MFAP5: variants seen among roughly 807,000 people sequenced by gnomAD.
MFAP5 encodes microfibrillar-associated protein 5.
Under a neutral mutation model 30.1 loss-of-function variants are expected in MFAP5, and 19 were observed. The observed-to-expected ratio is 0.63, with a 90% CI of 0.44 to 0.93. MFAP5 has a LOEUF of 0.93. Ranked by LOEUF, MFAP5 falls within the 40% of genes least tolerant of loss-of-function variation. MFAP5 has a pLI of 0.00. For synonymous variants in MFAP5, 92 were observed against 72.9 expected (o/e 1.26, Z -1.33); for missense variants, 210 against 221.3 (o/e 0.95, Z 0.32).
chr12:8,660,897 G>C lies in MFAP5; in HGVS notation c.60C>G (p.Asp20Glu), dbSNP rs768861127. 6.2e-7 allele frequency: 1 copy of C among 1,611,794 alleles called. No individual in the cohort carries two copies. The highest frequency in any genetic ancestry group is 1.7e-5 in the Admixed American group (1 of 59,928). ...LFLAAFIITSDWIPLGVNSQR... is the reference protein window; with the variant it reads ...LFLAAFIITSEWIPLGVNSQR... ...GACTATTGACCCCCAGGGGTATCCA[G>C]TCTATAGCAAAGGAAGAGAAAAGAG... The change falls in exon 3 of 10, where the codon GAC becomes GAG. Residue 20 changes from aspartate to glutamate, a missense_variant and splice_region_variant. Physicochemically the swap from Asp to Glu is conservative, Grantham distance 45. Transcript: ENST00000359478.
Position 8,651,733 on chromosome 12 carries a change from A to T in MFAP5, c.218-42T>A, listed in dbSNP as rs189767998. ...TTATTCCACTGTTACCAATTCTAGA[A>T]GTTACTACTTCTGTAACTGCCACAC... On this transcript the variant is annotated intron_variant, in intron 6 of 9. Coordinates refer to ENST00000359478, the MANE Select transcript of MFAP5 (RefSeq NM_003480.4). 2.7e-5 allele frequency: 43 copies of T among 1,589,700 alleles called. 1 individual carries two copies. The African/African-American group carries it at 4.3e-4, about 16-fold the overall frequency.
intron 6 of MFAP5, among the ~76,000 whole-genome samples, chr12:8,653,733 CTGTT>C (rs1409162725): frequency 2.0e-5 from 3 of 152,130 alleles, no homozygotes; most frequent in South Asian, 2.1e-4. Context: ...ATAAAGTTAT[CTGTT>C]TATTTGTCTA....
At chr12:8,657,870 C>T (rs1942049204) in intron 3 of MFAP5, among the ~76,000 whole-genome samples, 1 of 152,114 alleles carries the variant, frequency 6.6e-6, no homozygotes, top group Admixed American at 6.5e-5. Context: ...CCATGCCCGG[C>T]CTGACTTCTT....
rs777417112 is a variant in MFAP5, at chr12:8,651,150, G to A, written c.247+512C>T. Among the ~76,000 whole-genome samples, 30 of 152,228 alleles carry A rather than the reference G, an allele frequency of 2.0e-4. 1 individual carries two copies. The highest frequency in any genetic ancestry group is 6.8e-3 in the Middle Eastern group (2 of 294). ...CCACTGCACTCCAGCCTGGGTGACA[G>A]AGTGAGACTCCATCTCAGAAAAATA... On this transcript the variant is annotated intron_variant, in intron 7 of 9. Transcript: ENST00000359478.
At chr12:8,653,942 T>C (rs1434530384) in intron 6 of MFAP5, among the ~76,000 whole-genome samples, 1 of 152,068 alleles carries the variant, frequency 6.6e-6, no homozygotes, top group African/African-American at 2.4e-5. Flanking sequence ...CTGGCCAACG[T>C]GGCGAAACCC....
chr12:8,648,555 T>C, intron 9 of MFAP5: 13 of 1,277,320 alleles, frequency 1.0e-5, no homozygotes, highest in Non-Finnish European at 1.3e-5. Context: ...TAATCATGGA[T>C]CTATTAAATA....
chr12:8,650,493 A>T lies in MFAP5; in HGVS notation c.335+9T>A, dbSNP rs776320796. On this transcript the variant is annotated intron_variant, in intron 8 of 9. Coordinates refer to ENST00000359478, the MANE Select transcript of MFAP5 (RefSeq NM_003480.4). Reference sequence around the variant, plus strand: ...GAAGATGCTTTTTGGGCATTCTGGGATCCCTTACCTGGTGAAGCATAACTG... The same window carrying T: ...GAAGATGCTTTTTGGGCATTCTGGGTTCCCTTACCTGGTGAAGCATAACTG... 6.8e-6 allele frequency: 11 copies of T among 1,612,766 alleles called. No individual in the cohort carries two copies. In the South Asian group the frequency reaches 9.9e-5, roughly 14 times the overall value.
chr12:8,649,815 A>G (rs1400432787), intron 8 of MFAP5, among the ~76,000 whole-genome samples: 2 of 152,132 alleles, frequency 1.3e-5, no homozygotes, highest in African/African-American at 4.8e-5. Context: ...TTTGGTGTAC[A>G]GGTGGTTTTT....
intron 6 of MFAP5, chr12:8,654,151 G>A: frequency 3.6e-6 from 1 of 275,640 alleles, no homozygotes; most frequent in Non-Finnish European, 6.7e-6. Context: ...AAAAAATTCA[G>A]TCAAAGCATT....
rs781441475 is a variant in MFAP5 at position 8,647,058 on chromosome 12, G to T, written c.*1033C>A. On this transcript the variant is annotated 3_prime_UTR_variant, in exon 10 of 10. Transcript: ENST00000359478. ...TAGAGCCAGGATAAGAATGTGGGTT[G>T]TCTGAATATTGTGTTTCTTTCACTC... The T allele has an allele frequency of 6.6e-6, 1 of 152,228 alleles. No homozygotes were observed. Among genetic ancestry groups the T allele is most frequent in the African/African-American group, 2.4e-5 (1 of 41,460 alleles). 9.4% of individuals were successfully genotyped at this position (152,228 alleles called of 1,614,324 possible).
chr12:8,656,670 T>A (rs6487316), intron 3 of MFAP5, among the ~76,000 whole-genome samples: 27,267 of 109,066 alleles, frequency 0.25, 3,100 homozygotes, highest in South Asian at 0.37. Context: ...ATATATATAT[T>A]TTTTTTTTTT....
intron 3 of MFAP5, among the ~76,000 whole-genome samples, chr12:8,657,149 A>G (rs745729255): frequency 6.6e-6 from 1 of 152,332 alleles, no homozygotes; most frequent in South Asian, 2.1e-4. Flanking sequence ...ATACAATATA[A>G]TTTATATGTA....
chr12:8,648,526 A>G (rs1435451905), intron 9 of MFAP5: 1 of 1,290,886 alleles, frequency 7.7e-7, no homozygotes, highest in South Asian at 1.2e-5. Flanking sequence ...TCCTTTATAT[A>G]TCCAGCTGCC....
In MFAP5 at chr12:8,645,982, GA is replaced by G. The variant is rs140125599; in HGVS notation, c.*2108del. 6,433 of 152,578 alleles carry G rather than the reference GA, an allele frequency of 0.042. 188 individuals carry two copies. Among genetic ancestry groups the G allele is most frequent in the Middle Eastern group, 0.082 (24 of 294 alleles). The allele number at this position is 152,578 out of a possible 1,614,324, so 9.5% of individuals were successfully genotyped here. A position where few individuals can be genotyped will look rare whatever the true frequency, so the allele number is the denominator to read the frequency against. On this transcript the variant is annotated 3_prime_UTR_variant, in exon 10 of 10. Transcript: ENST00000359478. ...ACATTTTATTTTGAGAAATAAATTG[GA>G]AAAAAATATTTTAAAATGTTTAATT...
intron 9 of MFAP5, among the ~76,000 whole-genome samples, chr12:8,648,956 CCTT>C (rs2136459017): frequency 6.6e-6 from 1 of 152,316 alleles, no homozygotes; most frequent in African/African-American, 2.4e-5. Context: ...CATCTTTCTA[CCTT>C]CTTCTACCTG....
Position 8,649,497 on chromosome 12 carries a change from T to C in MFAP5, c.409+4A>G, listed in dbSNP as rs1941771878. On this transcript the variant is annotated splice_donor_region_variant and intron_variant, in intron 9 of 9. Coordinates refer to ENST00000359478, the MANE Select transcript of MFAP5 (RefSeq NM_003480.4). Reference sequence around the variant, plus strand: ...CTCCATTAAACATCCAGACATCATCTTACCTTTCATAGCTTCGTGTTCCTT... The same window carrying C: ...CTCCATTAAACATCCAGACATCATCCTACCTTTCATAGCTTCGTGTTCCTT... The C allele has an allele frequency of 6.2e-7, 1 of 1,613,088 alleles. No individual in the cohort carries two copies. The highest frequency in any genetic ancestry group is 8.5e-7 in the Non-Finnish European group (1 of 1,179,256).
At chr12:8,650,430 G>C (rs1941802276) in intron 8 of MFAP5, 72 bp downstream of exon 8, 1 of 1,457,158 alleles carries the variant, frequency 6.9e-7, no homozygotes, top group Admixed American at 1.7e-5. Context: ...CATAGTGGGT[G>C]CTCATTAAAT....
At chr12:8,652,473 T>G (rs1274806914) in intron 6 of MFAP5, among the ~76,000 whole-genome samples, 10 of 143,722 alleles carry the variant, frequency 7.0e-5, no homozygotes, top group South Asian at 2.2e-4. Context: ...AATAAATAAA[T>G]AAATAAAGAA....
At chr12:8,655,312 A>T in intron 5 of MFAP5, 103 bp downstream of exon 5, 1 of 1,143,704 alleles carries the variant, frequency 8.7e-7, no homozygotes, top group South Asian at 1.6e-5. Flanking sequence ...AACAAAAAAC[A>T]AAAGCAAATA....
Sources: allele counts gnomAD v4.1 joint callset (sites outside exome capture counted in the v4.1 genomes callset), GRCh38; gene constraint gnomAD v4.1.1; transcripts MANE v1.5; gene names NCBI Gene and HGNC (gene_info 2026-07-23, HGNC 2026-07-21).